SLC38A1: variants seen among roughly 807,000 people sequenced by gnomAD.
SLC38A1 encodes solute carrier family 38 member 1.
In SLC38A1, 18 loss-of-function variants were observed where a neutral mutation model predicts 60.3. The observed-to-expected ratio is 0.30, with a 90% CI of 0.21 to 0.44. SLC38A1 has a LOEUF of 0.44. SLC38A1 is among the 20% of genes least tolerant of loss of function. The probability of loss-of-function intolerance (pLI) is 1.00; values close to 1 mark genes in which losing one functional copy is unlikely to be tolerated. For synonymous variants in SLC38A1, 196 were observed against 212.1 expected (o/e 0.92, Z 0.66); for missense variants, 448 against 587.2 (o/e 0.76, Z 2.45).
chr12:46,231,280 T>C (rs1273612353), intron 3 of SLC38A1, among the ~76,000 whole-genome samples: 1 of 152,070 alleles, frequency 6.6e-6, no homozygotes, highest in East Asian at 1.9e-4. Context: ...TAATAGACAC[T>C]GGAGACTCCA....
chr12:46,229,125 T>A, intron 5 of SLC38A1, 28 bp downstream of exon 5: 2 of 1,335,522 alleles, frequency 1.5e-6, no homozygotes, highest in Non-Finnish European at 2.1e-6. Context: ...AGTTTTAAAA[T>A]GGAAAGTACC....
chr12:46,189,628 G>A (rs1353520679), intron 16 of SLC38A1, among the ~76,000 whole-genome samples: 3 of 152,180 alleles, frequency 2.0e-5, no homozygotes, highest in Non-Finnish European at 2.9e-5. Flanking sequence ...GTTTGGCTGT[G>A]TCCCTACCCA....
chr12:46,232,680 T>C (rs536775415), intron 3 of SLC38A1, among the ~76,000 whole-genome samples: 119 of 152,326 alleles, frequency 7.8e-4, no homozygotes, highest in African/African-American at 2.8e-3. Flanking sequence ...CAGTGTCCCT[T>C]GGTATTTGTA....
Position 46,253,122 on chromosome 12 carries a change from A to C in SLC38A1, c.-208-9808T>G, listed in dbSNP as rs185002874. 9.3e-4 allele frequency among the ~76,000 whole-genome samples: 142 copies of C among 152,304 alleles called. 1 individual carries two copies. The highest frequency in any genetic ancestry group is 2.8e-3 in the African/African-American group (115 of 41,558). On this transcript the variant is annotated intron_variant, in intron 1 of 16. Coordinates refer to ENST00000398637, the MANE Select transcript of SLC38A1 (RefSeq NM_030674.4). ...AAGTTGCAGATGTGTAGGATGAATA[A>C]GTCTAGGGAGCAAATGTACAACATG...
At chr12:46,214,408 T>C (rs1457380903) in intron 5 of SLC38A1, among the ~76,000 whole-genome samples, 1 of 152,248 alleles carries the variant, frequency 6.6e-6, no homozygotes, top group East Asian at 1.9e-4. Flanking sequence ...TGTCAATGTT[T>C]TGAATCATAT....
intron 1 of SLC38A1, among the ~76,000 whole-genome samples, chr12:46,257,666 C>T (rs552144813): frequency 2.0e-5 from 3 of 152,124 alleles, no homozygotes; most frequent in Middle Eastern, 3.2e-3. Context: ...GTTGCTTCTG[C>T]GGTGGCCAGA....
intron 5 of SLC38A1, among the ~76,000 whole-genome samples, chr12:46,225,315 T>C (rs1006261495): frequency 6.6e-6 from 1 of 152,192 alleles, no homozygotes; most frequent in Non-Finnish European, 1.5e-5. Flanking sequence ...GACCAGGTCC[T>C]ACTCCATAAA....
At chr12:46,240,960 C>T (rs1052474207) in intron 2 of SLC38A1, among the ~76,000 whole-genome samples, 4 of 152,244 alleles carry the variant, frequency 2.6e-5, no homozygotes, top group South Asian at 4.1e-4. Context: ...AGCAGCCTCA[C>T]GAATTAAAAA....
At chr12:46,247,017 C>T (rs1309613524) in intron 1 of SLC38A1, among the ~76,000 whole-genome samples, 2 of 152,080 alleles carry the variant, frequency 1.3e-5, no homozygotes, top group Non-Finnish European at 2.9e-5. Flanking sequence ...ACACCAAAAC[C>T]CCATCTGTAG....
intron 3 of SLC38A1, among the ~76,000 whole-genome samples, chr12:46,238,192 A>G (rs1366174864): frequency 6.7e-6 from 1 of 149,368 alleles, no homozygotes; most frequent in African/African-American, 2.6e-5. Flanking sequence ...GGGTATTATT[A>G]TTAAGAATTA....
intron 1 of SLC38A1, among the ~76,000 whole-genome samples, chr12:46,263,686 C>T (rs1464016100): frequency 6.6e-6 from 1 of 151,654 alleles, no homozygotes; most frequent in Non-Finnish European, 1.5e-5. Flanking sequence ...GCTTTCTTTT[C>T]CAACCTTCGC....
Position 46,187,683 on chromosome 12 carries a change from G to T in SLC38A1, c.*1287C>A, listed in dbSNP as rs929287620. The T allele has an allele frequency of 5.9e-5, 9 of 152,072 alleles. No individual in the cohort carries two copies. The highest frequency in any genetic ancestry group is 2.2e-4 in the African/African-American group (9 of 41,384). The allele number at this position is 152,072 out of a possible 1,614,324, so 9.4% of individuals were successfully genotyped here. ...TCCTTGGTTGGGGAAGAGAAGAGGA[G>T]ACAGCACAGACACTGAGACCCCCTT... On this transcript the variant is annotated 3_prime_UTR_variant, in exon 17 of 17. Transcript: ENST00000398637.
At chr12:46,190,321 CT>C (rs1484871209) in intron 16 of SLC38A1, among the ~76,000 whole-genome samples, 1 of 152,204 alleles carries the variant, frequency 6.6e-6, no homozygotes, top group Non-Finnish European at 1.5e-5. Flanking sequence ...GCCACATTTT[CT>C]TAATCCAGTC....
At chr12:46,253,856 G>T (rs538945672) in intron 1 of SLC38A1, among the ~76,000 whole-genome samples, 293 of 152,236 alleles carry the variant, frequency 1.9e-3, no homozygotes, top group African/African-American at 6.7e-3. Flanking sequence ...AGGGGTGATG[G>T]TATTCCTACC....
chr12:46,224,815 C>A (rs144860975), intron 5 of SLC38A1, among the ~76,000 whole-genome samples: 1 of 152,142 alleles, frequency 6.6e-6, no homozygotes. Flanking sequence ...TGGTGTGTTG[C>A]GCTTGTTATC....
chr12:46,190,452 G>A (rs1812741563), intron 16 of SLC38A1, among the ~76,000 whole-genome samples: 1 of 152,208 alleles, frequency 6.6e-6, no homozygotes, highest in African/African-American at 2.4e-5. Context: ...TATATACCCA[G>A]TAATGGGATT....
chr12:46,216,680 GTATCTACGT>G (rs1427694751), intron 5 of SLC38A1, among the ~76,000 whole-genome samples: 1 of 152,144 alleles, frequency 6.6e-6, no homozygotes, highest in Non-Finnish European at 1.5e-5. Flanking sequence ...GTGAAACCCC[GTATCTACGT>G]TATCTACTAA....
At chr12:46,264,714 A>G (rs752941549) in intron 1 of SLC38A1, among the ~76,000 whole-genome samples, 12 of 152,266 alleles carry the variant, frequency 7.9e-5, no homozygotes, top group Non-Finnish European at 1.6e-4. Flanking sequence ...TGCACTTGTC[A>G]TCTGAGTAGT....
At chr12:46,199,347 G>A (rs1939541360) in intron 13 of SLC38A1, among the ~76,000 whole-genome samples, 1 of 147,348 alleles carries the variant, frequency 6.8e-6, no homozygotes, top group Non-Finnish European at 1.5e-5. Context: ...GTGTGTGTGT[G>A]TGTGTGTGTG....
Sources: allele counts gnomAD v4.1 joint callset (sites outside exome capture counted in the v4.1 genomes callset), GRCh38; gene constraint gnomAD v4.1.1; transcripts MANE v1.5; gene names NCBI Gene and HGNC (gene_info 2026-07-23, HGNC 2026-07-21).